DGKH: variants seen among roughly 807,000 people sequenced by gnomAD.
DGKH encodes diacylglycerol kinase eta, also known as DAG kinase eta.
A neutral mutation model predicts 159.3 loss-of-function variants in DGKH; 90 were observed. That is an observed-to-expected ratio of 0.57 (90% CI 0.48 to 0.67). The LOEUF (loss-of-function observed/expected upper bound fraction) is 0.67. Ranked by LOEUF, DGKH falls within the 30% of genes least tolerant of loss-of-function variation. The pLI, the probability that DGKH is intolerant of heterozygous loss-of-function variation, is 0.00. For missense variants in DGKH, 1,181 were observed against 1,506.1 expected, an observed-to-expected ratio of 0.78 and a Z score of 3.57; for synonymous variants, 536 against 553.8, an observed-to-expected ratio of 0.97 and a Z score of 0.45.
intron 7 of DGKH, among the ~76,000 whole-genome samples, 163 bp from the exon 8 acceptor site, chr13:42,165,168 T>A (rs888155729): frequency 3.9e-5 from 6 of 152,164 alleles, no homozygotes; most frequent in Non-Finnish European, 7.4e-5. Context: ...CTAAAATGTT[T>A]AGTCATTTCC....
intron 3 of DGKH, among the ~76,000 whole-genome samples, chr13:42,136,683 A>G (rs751239624): frequency 6.6e-6 from 1 of 152,220 alleles, no homozygotes; most frequent in African/African-American, 2.4e-5. Context: ...TTAACCACCC[A>G]TAACATTTTC....
At position 42,221,353 on chromosome 13, in the gene DGKH, A is replaced by G; in HGVS notation, c.3532A>G (p.Arg1178Gly). The change falls in exon 29 of 30, where the codon AGA becomes GGA. Residue 1178 changes from arginine to glycine, a missense_variant. Transcript: ENST00000337343. ...AGATATCTTCATCCGTCATGACATC[A>G]GAGGGGCTGAACTTTTGCATCTGGA... ...YKDIFIRHDI[R>G]GAELLHLERR... 6.2e-7 allele frequency: 1 copy of G among 1,613,790 alleles called. No individual in the cohort carries two copies. The highest frequency in any genetic ancestry group is 1.1e-5 in the South Asian group (1 of 91,074).
intron 1 of DGKH, among the ~76,000 whole-genome samples, chr13:42,099,492 G>A (rs546633920): frequency 1.3e-5 from 2 of 152,248 alleles, no homozygotes; most frequent in East Asian, 3.9e-4. Context: ...AGCCACCTGG[G>A]GAGAAGACCT....
intron 1 of DGKH, among the ~76,000 whole-genome samples, chr13:42,111,274 G>T (rs1231065279): frequency 1.3e-5 from 2 of 152,186 alleles, no homozygotes; most frequent in African/African-American, 2.4e-5. Context: ...TACTGATACA[G>T]AGGGTGATTA....
chr13:42,158,888 A>G (rs1956106554), intron 5 of DGKH, among the ~76,000 whole-genome samples: 1 of 152,198 alleles, frequency 6.6e-6, no homozygotes, highest in Non-Finnish European at 1.5e-5. Context: ...ACATTCGTAT[A>G]ATCAGCACCT....
chr13:42,095,599 T>G (rs1233547751), intron 1 of DGKH, among the ~76,000 whole-genome samples: 1 of 152,226 alleles, frequency 6.6e-6, no homozygotes, highest in African/African-American at 2.4e-5. Context: ...CTCCCAATTT[T>G]CTTCTATATT....
rs958432309 is a variant in DGKH at position 42,240,711 on chromosome 13, C to A, written c.*11523C>A. On this transcript the variant is annotated 3_prime_UTR_variant, in exon 30 of 30. Coordinates refer to ENST00000337343, the MANE Select transcript of DGKH (RefSeq NM_178009.5). ...AGAATATAAAGACTAAAAATAAAAA[C>A]TATTACCTCTGGGCCTGTTTTTCTT... is the stretch of plus-strand genomic sequence containing the variant. 1 of 152,146 alleles carries A rather than the reference C, an allele frequency of 6.6e-6. No homozygotes were observed. The highest frequency in any genetic ancestry group is 2.4e-5 in the African/African-American group (1 of 41,446). 9.4% of individuals were successfully genotyped at this position (152,146 alleles called of 1,614,324 possible).
chr13:42,165,707 G>A (rs773615079), intron 8 of DGKH, among the ~76,000 whole-genome samples: 4 of 151,704 alleles, frequency 2.6e-5, no homozygotes, highest in African/African-American at 9.7e-5. Flanking sequence ...TACTCTGTAC[G>A]GCAATACAAT....
At chr13:42,204,672 A>G in intron 20 of DGKH, among the ~76,000 whole-genome samples, 1 of 152,234 alleles carries the variant, frequency 6.6e-6, no homozygotes. Context: ...TTCACAGAGC[A>G]GAGAAGTCCC....
Position 42,142,447 on chromosome 13 carries a change from C to T in DGKH, c.384+12815C>T, listed in dbSNP as rs537186778. On this transcript the variant is annotated intron_variant, in intron 3 of 29. Coordinates refer to ENST00000337343, the MANE Select transcript of DGKH (RefSeq NM_178009.5). Reference sequence around the variant, plus strand: ...ATTCTGTGAAGAAAGTCATTGGTAGCTTGATGGGGATGGCATTGAATCTAT... The same window carrying T: ...ATTCTGTGAAGAAAGTCATTGGTAGTTTGATGGGGATGGCATTGAATCTAT... Among the ~76,000 whole-genome samples, 21 of 151,346 alleles carry T rather than the reference C, an allele frequency of 1.4e-4. No individual in the cohort carries two copies. In the East Asian group the frequency reaches 4.1e-3, roughly 29 times the overall value.
Position 42,236,489 on chromosome 13 carries a change from C to T in DGKH, c.*7301C>T, listed in dbSNP as rs1029685623. The stretch of plus-strand genomic sequence containing the variant: ...ACCAATATTAAGGATTTAATGTAGC[C>T]AAGGGATTCAGTGTGTTATATTTTG... On this transcript the variant is annotated 3_prime_UTR_variant, in exon 30 of 30. Transcript: ENST00000337343. The T allele has an allele frequency of 1.3e-5, 2 of 151,972 alleles. No individual in the cohort carries two copies. Among genetic ancestry groups the T allele is most frequent in the South Asian group, 4.1e-4 (2 of 4,820 alleles). 9.4% of individuals were successfully genotyped at this position (151,972 alleles called of 1,614,324 possible).
chr13:42,173,885 G>A (rs1956528672), intron 11 of DGKH, among the ~76,000 whole-genome samples, 175 bp from the exon 12 acceptor site: 1 of 152,098 alleles, frequency 6.6e-6, no homozygotes, highest in Non-Finnish European at 1.5e-5. Context: ...TTACTGAAAT[G>A]TGATCTCTTT....
chr13:42,087,060 C>CACACACAG (rs1555259382), intron 1 of DGKH, among the ~76,000 whole-genome samples: 98 of 149,924 alleles, frequency 6.5e-4, no homozygotes, highest in African/African-American at 1.9e-3. Context: ...CACACACACA[C>CACACACAG]ACACACACAC....
At chr13:42,197,417 A>G (rs1407602557) in intron 17 of DGKH, among the ~76,000 whole-genome samples, 86 of 152,088 alleles carry the variant, frequency 5.7e-4, no homozygotes, top group Non-Finnish European at 7.4e-5. Context: ...GAAGTATGCC[A>G]CAGTATATTC....
At chr13:42,156,174 G>T (rs985937985) in intron 5 of DGKH, among the ~76,000 whole-genome samples, 1 of 152,022 alleles carries the variant, frequency 6.6e-6, no homozygotes, top group Non-Finnish European at 1.5e-5. Flanking sequence ...CATTTCATTT[G>T]TTTAATCTGA....
chr13:42,070,211 C>T, intron 1 of DGKH: 2 of 1,041,714 alleles, frequency 1.9e-6, no homozygotes, highest in South Asian at 2.5e-5. Flanking sequence ...AAAATTTGTT[C>T]CAGGAAATTC....
chr13:42,123,781 A>G (rs1351550246), intron 1 of DGKH, among the ~76,000 whole-genome samples: 3 of 152,214 alleles, frequency 2.0e-5, no homozygotes, highest in East Asian at 1.9e-4. Context: ...TAAAACCACA[A>G]TGAGATACTA....
chr13:42,146,163 T>TTTTTG (rs1955725073), intron 3 of DGKH, among the ~76,000 whole-genome samples: 1 of 149,728 alleles, frequency 6.7e-6, no homozygotes, highest in Non-Finnish European at 1.5e-5. Context: ...TTTTTTTTTT[T>TTTTTG]TTTTTGTACA....
chr13:42,089,758 T>C (rs928213430), intron 1 of DGKH, among the ~76,000 whole-genome samples: 4 of 152,228 alleles, frequency 2.6e-5, no homozygotes, highest in African/African-American at 9.6e-5. Flanking sequence ...GATCAGCTGA[T>C]GAGCAAACTT....
Sources: gnomAD v4.1 joint callset for allele counts (sites outside exome capture counted in the v4.1 genomes callset) on GRCh38, gnomAD v4.1.1 for gene constraint, MANE v1.5 for transcripts, NCBI Gene and HGNC (gene_info 2026-07-23, HGNC 2026-07-21) for gene names.